DAB1: variants seen among roughly 807,000 people sequenced by gnomAD.
The protein encoded by DAB1 is DAB adaptor protein 1, also known as disabled homolog 1.
Under a neutral mutation model 64.6 loss-of-function variants are expected in DAB1, and 15 were observed. That is an observed-to-expected ratio of 0.23 (90% CI 0.16 to 0.36). DAB1 has a LOEUF of 0.36. Ranked by LOEUF, DAB1 falls within the 10% of genes least tolerant of loss-of-function variation. DAB1 has a pLI of 1.00. For synonymous variants in DAB1, 235 were observed against 251.9 expected, an observed-to-expected ratio of 0.93 and a Z score of 0.64; for missense variants, 596 against 706.7, an observed-to-expected ratio of 0.84 and a Z score of 1.78.
intron 5 of DAB1, among the ~76,000 whole-genome samples, chr1:57,977,653 T>G (rs898667495): frequency 1.3e-5 from 2 of 152,202 alleles, no homozygotes; most frequent in East Asian, 3.8e-4. Flanking sequence ...AACACAGATT[T>G]GTACATTCTC....
At chr1:57,558,182 GAAGA>G (rs1230900873) in intron 7 of DAB1, among the ~76,000 whole-genome samples, 6 of 152,308 alleles carry the variant, frequency 3.9e-5, no homozygotes, top group Admixed American at 3.3e-4. Flanking sequence ...TTTTCTTTCA[GAAGA>G]AAGAGCTTCC....
intron 6 of DAB1, among the ~76,000 whole-genome samples, chr1:57,697,937 A>G (rs919746725): frequency 6.6e-6 from 1 of 152,054 alleles, no homozygotes; most frequent in African/African-American, 2.4e-5. Flanking sequence ...CATCTCTTAC[A>G]TGCTCCTCCA....
chr1:57,456,976 A>G (rs1330537488), intron 7 of DAB1, among the ~76,000 whole-genome samples: 1 of 152,196 alleles, frequency 6.6e-6, no homozygotes, highest in Admixed American at 6.5e-5. Context: ...CCCAGAATGA[A>G]AAAGACAAAC....
intron 3 of DAB1, among the ~76,000 whole-genome samples, chr1:58,475,926 T>G (rs1220755777): frequency 6.6e-6 from 1 of 152,114 alleles, no homozygotes; most frequent in Non-Finnish European, 1.5e-5. Flanking sequence ...CTTAAAAAAA[T>G]ACAACCTTAA....
rs532737625 is a variant in DAB1, at chr1:58,493,722, A to T, written n.257+12338T>A. On this transcript the variant is annotated intron_variant and non_coding_transcript_variant, in intron 3 of 20. Transcript: ENST00000485760. Reference sequence around the variant, plus strand: ...ATCCAACTTACAAGGGATGTGAAGGACCTCTTCAAGGAGAACTACAAACCA... The same window carrying T: ...ATCCAACTTACAAGGGATGTGAAGGTCCTCTTCAAGGAGAACTACAAACCA... 5.7e-4 allele frequency among the ~76,000 whole-genome samples: 86 copies of T among 151,922 alleles called. 1 individual carries two copies. The East Asian group carries it at 0.01, about 18-fold the overall frequency.
chr1:57,456,801 C>T (rs1285525123), intron 7 of DAB1, among the ~76,000 whole-genome samples: 2 of 152,084 alleles, frequency 1.3e-5, no homozygotes, highest in African/African-American at 2.4e-5. Flanking sequence ...TCTTAGCTAT[C>T]TCCTCTTTGA....
At chr1:58,164,582 T>A (rs1176446193) in intron 4 of DAB1, among the ~76,000 whole-genome samples, 1 of 152,184 alleles carries the variant, frequency 6.6e-6, no homozygotes. Context: ...ATCTGAACAA[T>A]TATTAAAATG....
chr1:57,249,739 T>G (rs1230459364), intron 2 of DAB1, among the ~76,000 whole-genome samples: 1 of 152,206 alleles, frequency 6.6e-6, no homozygotes, highest in Non-Finnish European at 1.5e-5. Flanking sequence ...TTGCAAGTCC[T>G]CTCCCTAGAA....
intron 5 of DAB1, among the ~76,000 whole-genome samples, chr1:57,902,101 G>C (rs1424884084): frequency 6.7e-6 from 1 of 149,466 alleles, no homozygotes; most frequent in Non-Finnish European, 1.5e-5. Flanking sequence ...AGGTTGCCGT[G>C]AGCCAAGATA....
chr1:58,410,316 T>C (rs1644656397), intron 3 of DAB1, among the ~76,000 whole-genome samples: 1 of 152,204 alleles, frequency 6.6e-6, no homozygotes, highest in African/African-American at 2.4e-5. Context: ...AACAATTTTA[T>C]AGTCTGTTAA....
At chr1:57,461,710 T>C (rs1206565098) in intron 7 of DAB1, among the ~76,000 whole-genome samples, 5 of 152,188 alleles carry the variant, frequency 3.3e-5, no homozygotes, top group Admixed American at 6.5e-5. Context: ...CTGGACTAAT[T>C]ATCCCTCATT....
chr1:57,667,592 G>A (rs1007719085), intron 6 of DAB1, among the ~76,000 whole-genome samples: 1 of 152,014 alleles, frequency 6.6e-6, no homozygotes, highest in African/African-American at 2.4e-5. Flanking sequence ...AGAAAATGTA[G>A]GAATGACCAC....
At chr1:57,476,264 C>T (rs2245012) in intron 7 of DAB1, among the ~76,000 whole-genome samples, 1 of 149,292 alleles carries the variant, frequency 6.7e-6, no homozygotes, top group Non-Finnish European at 1.5e-5. Flanking sequence ...CAAAAAAAAA[C>T]CAGTATAGTC....
At chr1:58,427,779 G>A (rs987153204) in intron 3 of DAB1, among the ~76,000 whole-genome samples, 1 of 152,100 alleles carries the variant, frequency 6.6e-6, no homozygotes, top group South Asian at 2.1e-4. Context: ...TAGATAGGGA[G>A]TTGGTCATGT....
intron 3 of DAB1, among the ~76,000 whole-genome samples, chr1:58,457,532 C>T (rs965145403): frequency 2.6e-5 from 4 of 152,212 alleles, no homozygotes; most frequent in African/African-American, 9.6e-5. Context: ...AATCCCTTAA[C>T]CCCGAGGCAG....
chr1:57,325,608 G>C (rs1676089603), intron 1 of DAB1, among the ~76,000 whole-genome samples: 1 of 152,116 alleles, frequency 6.6e-6, no homozygotes, highest in Non-Finnish European at 1.5e-5. Context: ...CTATTTACTA[G>C]ACTGTGAGCT....
chr1:57,053,012 A>G (rs1437016804), intron 9 of DAB1, among the ~76,000 whole-genome samples: 1 of 152,186 alleles, frequency 6.6e-6, no homozygotes, highest in Non-Finnish European at 1.5e-5. Context: ...TCAGGGTTTT[A>G]TAAAAGCACC....
At chr1:57,282,375 A>G (rs1671985664) in intron 2 of DAB1, among the ~76,000 whole-genome samples, 1 of 151,920 alleles carries the variant, frequency 6.6e-6, no homozygotes, top group Non-Finnish European at 1.5e-5. Context: ...GGAGTGACAG[A>G]AAAGGAGATG....
At chr1:58,274,878 C>T (rs1001917952) in intron 4 of DAB1, among the ~76,000 whole-genome samples, 1 of 151,972 alleles carries the variant, frequency 6.6e-6, no homozygotes, top group Non-Finnish European at 1.5e-5. Context: ...GCACGGTGCG[C>T]GCACCCACTG....
Sources: gnomAD v4.1 joint callset for allele counts (sites outside exome capture counted in the v4.1 genomes callset) on GRCh38, gnomAD v4.1.1 for gene constraint, MANE v1.5 for transcripts, NCBI Gene and HGNC (gene_info 2026-07-23, HGNC 2026-07-21) for gene names.